TEX11: variants seen among roughly 807,000 people sequenced by gnomAD.
TEX11 encodes the protein testis expressed 11.
In TEX11, 7 loss-of-function variants were observed where a neutral mutation model predicts 84.4. The observed-to-expected ratio is 0.08, with a 90% CI of 0.05 to 0.16. The LOEUF (loss-of-function observed/expected upper bound fraction) is 0.16. Among genes scored for constraint, TEX11 ranks in the 10% least tolerant of loss-of-function variants. The pLI, the probability that TEX11 is intolerant of heterozygous loss-of-function variation, is 1.00. For missense variants in TEX11, 551 were observed against 660.5 expected (o/e 0.83, Z 1.82); for synonymous variants, 264 against 222.8 (o/e 1.18, Z -1.64).
At chrX:70,763,202 T>C in intron 9 of TEX11, among the ~76,000 whole-genome samples, 1 of 111,896 alleles carries the variant, frequency 8.9e-6, no homozygotes, top group Non-Finnish European at 1.9e-5. Flanking sequence ...CCAACCTAAA[T>C]GACCATCAAC....
intron 13 of TEX11, among the ~76,000 whole-genome samples, chrX:70,685,790 CTAATT>C (rs2090183516): frequency 8.9e-6 from 1 of 111,947 alleles, no homozygotes; most frequent in Non-Finnish European, 1.9e-5. Context: ...GAGATGGTAT[CTAATT>C]GTGGTTTTGA....
intron 9 of TEX11, among the ~76,000 whole-genome samples, chrX:70,792,426 C>T (rs1207582681): frequency 8.5e-5 from 7 of 81,912 alleles, no homozygotes; most frequent in African/African-American, 3.1e-4. Context: ...GCATGAAATG[C>T]CTGTATCAAG....
At chrX:70,763,836 A>C (rs1021525724) in intron 9 of TEX11, among the ~76,000 whole-genome samples, 3 of 111,813 alleles carry the variant, frequency 2.7e-5, no homozygotes, top group African/African-American at 9.7e-5. Context: ...CAGATATATA[A>C]AGCAAATATT....
intron 17 of TEX11, among the ~76,000 whole-genome samples, chrX:70,639,380 AAAGCAGCCGGGAAGCTCG>A (rs2089618906): frequency 8.9e-6 from 1 of 112,027 alleles, no homozygotes; most frequent in Non-Finnish European, 1.9e-5. Context: ...TTAGGTAAAC[AAAGCAGCCGGGAAGCTCG>A]AACTGAGTGG....
At chrX:70,800,860 G>A (rs2091183598) in intron 9 of TEX11, among the ~76,000 whole-genome samples, 1 of 110,131 alleles carries the variant, frequency 9.1e-6, no homozygotes, top group Non-Finnish European at 1.9e-5. Context: ...GCCCAGCTTA[G>A]ATAATTAGAA....
rs1007896901 is a variant in TEX11 at position 70,873,360 on chromosome X, C to T, written c.160-53G>A. ...TAGTTAAAATACTGGCCACCTCCAA[C>T]GGTATTTTCATTCTTGAATGTTGTA... is the stretch of plus-strand genomic sequence containing the variant. On this transcript the variant is annotated intron_variant, in intron 3 of 29. Coordinates refer to ENST00000374333, the MANE Select transcript of TEX11 (RefSeq NM_031276.3). 22 of 810,257 alleles carry T rather than the reference C, an allele frequency of 2.7e-5. No individual in the cohort carries two copies. The African/African-American group carries it at 3.4e-4, about 13-fold the overall frequency. The allele number at this position is 810,257 out of a possible 1,213,427, so 66.8% of individuals were successfully genotyped here.
At chrX:70,804,971 C>CTTT (rs748863855) in intron 9 of TEX11, among the ~76,000 whole-genome samples, 9 of 68,178 alleles carry the variant, frequency 1.3e-4, no homozygotes, top group East Asian at 4.3e-4. Context: ...CACCAGCATC[C>CTTT]TTTTTTTTTT....
chrX:70,521,769 C>G, the TEX11 span, among the ~76,000 whole-genome samples: 1 of 111,613 alleles, frequency 9.0e-6, no homozygotes, highest in Non-Finnish European at 1.9e-5. Flanking sequence ...GGTATTTTGC[C>G]TAAGAATTTA....
chrX:70,707,922 C>G (rs769594529), intron 13 of TEX11, among the ~76,000 whole-genome samples: 1 of 110,515 alleles, frequency 9.0e-6, no homozygotes, highest in South Asian at 3.8e-4. Flanking sequence ...CAAAAATTGA[C>G]AAGTGAGACT....
rs189591218 is a variant in TEX11 at position 70,833,448 on chromosome X, A to G, written c.606+65T>C. On this transcript the variant is annotated intron_variant, in intron 8 of 29. Transcript: ENST00000374333. ...CTCCAAAAGGTTGCATGAAGTAGTA[A>G]TGATTCTTCCTGGAACTTGATATAG... The G allele has an allele frequency of 5.6e-5, 52 of 934,285 alleles. No individual in the cohort carries two copies. The African/African-American group carries it at 9.5e-4, about 17-fold the overall frequency. The allele number at this position is 934,285 out of a possible 1,213,427, so 77.0% of individuals were successfully genotyped here. A position where few individuals can be genotyped will look rare whatever the true frequency, so the allele number is the denominator to read the frequency against.
chrX:70,634,454 C>T (rs895100148), intron 17 of TEX11, among the ~76,000 whole-genome samples: 2 of 111,760 alleles, frequency 1.8e-5, no homozygotes, highest in Non-Finnish European at 3.8e-5. Flanking sequence ...TACATAGCTA[C>T]ACTAATAAAG....
In TEX11 at chrX:70,874,701, T is replaced by A. The variant is rs190801898; in HGVS notation, c.160-1394A>T. ...ACAGGCATGAGCCACCACACCCGGCTGACTTTCATACTAAGTATTATTTCA... is the reference window on the plus strand; with the variant it reads ...ACAGGCATGAGCCACCACACCCGGCAGACTTTCATACTAAGTATTATTTCA... On this transcript the variant is annotated intron_variant, in intron 3 of 29. Coordinates refer to ENST00000374333, the MANE Select transcript of TEX11 (RefSeq NM_031276.3). Among the ~76,000 whole-genome samples the A allele has an allele frequency of 4.6e-5, 5 of 108,995 alleles. No homozygotes were observed. The East Asian group carries it at 1.5e-3, about 32-fold the overall frequency. 94.6% of individuals were successfully genotyped at this position (108,995 alleles called of 115,157 possible).
At position 70,713,217 on chromosome X, in the gene TEX11, A is replaced by G. The variant is rs192468748; in HGVS notation, c.1004+9401T>C. On this transcript the variant is annotated intron_variant, in intron 13 of 29. Coordinates refer to ENST00000374333, the MANE Select transcript of TEX11 (RefSeq NM_031276.3). ...CCAGTATTTTATTGAGGATTTTTGC[A>G]TCGATGTTCATCAGGAATATTGGTC... is the stretch of plus-strand genomic sequence containing the variant. 7.4e-3 allele frequency among the ~76,000 whole-genome samples: 830 copies of G among 111,868 alleles called. 7 individuals carry two copies. The highest frequency in any genetic ancestry group is 0.026 in the African/African-American group (791 of 30,842).
intron 17 of TEX11, among the ~76,000 whole-genome samples, chrX:70,630,850 T>C (rs2089503394): frequency 8.9e-6 from 1 of 111,784 alleles, no homozygotes; most frequent in Non-Finnish European, 1.9e-5. Flanking sequence ...GTGAAGGTAA[T>C]CAAAAGAAAG....
chrX:70,782,652 A>AAAAAAAAAAAAAAAAAAC (rs1569439773), intron 9 of TEX11, among the ~76,000 whole-genome samples: 1 of 102,312 alleles, frequency 9.8e-6, no homozygotes, highest in Admixed American at 1.1e-4. Context: ...AAGCAAAAAA[A>AAAAAAAAAAAAAAAAAAC]AAAAAAAAAA....
chrX:70,627,702 A>T (rs780992279), intron 18 of TEX11, among the ~76,000 whole-genome samples: 2 of 111,126 alleles, frequency 1.8e-5, no homozygotes, highest in African/African-American at 6.5e-5. Context: ...CCTTGTCTAG[A>T]CTCTCATTAT....
intron 16 of TEX11, among the ~76,000 whole-genome samples, chrX:70,652,921 G>C (rs1179081315): frequency 9.0e-6 from 1 of 110,643 alleles, no homozygotes; most frequent in East Asian, 2.8e-4. Context: ...ACTAGTAGAA[G>C]GGGAAGACTG....
At chrX:70,518,122 T>C in the TEX11 span, among the ~76,000 whole-genome samples, 5 of 111,339 alleles carry the variant, frequency 4.5e-5, no homozygotes, top group African/African-American at 1.6e-4. Flanking sequence ...CTCTATCTCC[T>C]TCAGTTTTGC....
chrX:70,819,702 A>G (rs900869021), intron 8 of TEX11, among the ~76,000 whole-genome samples: 4 of 112,118 alleles, frequency 3.6e-5, no homozygotes, highest in African/African-American at 1.3e-4. Flanking sequence ...ACCAAAAAAA[A>G]GTTAGAACTA....
Sources: allele counts gnomAD v4.1 joint callset (sites outside exome capture counted in the v4.1 genomes callset), GRCh38; gene constraint gnomAD v4.1.1; transcripts MANE v1.5; gene names NCBI Gene and HGNC (gene_info 2026-07-23, HGNC 2026-07-21).